The following KIF6 variants were observed in gnomAD, a reference collection of about 807,000 sequenced individuals.
KIF6 encodes kinesin family member 6.
KIF6 carries 106 observed loss-of-function variants against 112.7 expected under a neutral mutation model. The ratio of observed to expected loss-of-function variants is 0.94; its 90% CI spans 0.80 to 1.11. The LOEUF (loss-of-function observed/expected upper bound fraction) is 1.11, where lower values mean the gene tolerates loss of function less well. Among genes scored for constraint, KIF6 ranks in the 50% least tolerant of loss-of-function variants. The pLI is 0.00. For synonymous variants in KIF6, 339 were observed against 339.9 expected, an observed-to-expected ratio of 1.00 and a Z score of 0.03; for missense variants, 929 against 964.0, an observed-to-expected ratio of 0.96 and a Z score of 0.48.
intron 10 of KIF6, among the ~76,000 whole-genome samples, chr6:39,569,204 A>G (rs1467336330): frequency 6.6e-6 from 1 of 152,226 alleles, no homozygotes; most frequent in Non-Finnish European, 1.5e-5. Context: ...TAAAAAGGAT[A>G]AAGCACTATT....
In KIF6 at chr6:39,558,105, T is replaced by G. The variant is rs181825675; in HGVS notation, c.1182-12417A>C. ...TTATAAATTATAAAAACATATAATT[T>G]ATAACTATTCAAGTTACTTTCCTTA... On this transcript the variant is annotated intron_variant, in intron 10 of 22. Transcript: ENST00000287152. 4.0e-3 allele frequency among the ~76,000 whole-genome samples: 613 copies of G among 152,206 alleles called. 2 individuals carry two copies. Among genetic ancestry groups the G allele is most frequent in the Non-Finnish European group, 4.9e-3 (333 of 67,974 alleles).
intron 13 of KIF6, among the ~76,000 whole-genome samples, chr6:39,506,271 A>G (rs1194477343): frequency 6.6e-6 from 1 of 152,088 alleles, no homozygotes; most frequent in East Asian, 1.9e-4. Context: ...CAAATACCTC[A>G]TGTTCTGACT....
intron 13 of KIF6, among the ~76,000 whole-genome samples, chr6:39,487,990 C>CATCTATCTATCTATCT (rs1464871982): frequency 0.13 from 19,978 of 150,866 alleles, 1,765 homozygotes; most frequent in African/African-American, 0.23. Flanking sequence ...CATTTATAGG[C>CATCTATCTATCTATCT]ATCTATCTAT....
chr6:39,579,566 C>G (rs558326148), intron 9 of KIF6, among the ~76,000 whole-genome samples: 6 of 152,008 alleles, frequency 3.9e-5, no homozygotes, highest in Non-Finnish European at 8.8e-5. Flanking sequence ...AATGAAAGTT[C>G]AGAATTTCAA....
At chr6:39,366,892 ATT>A (rs1269715326) in intron 16 of KIF6, among the ~76,000 whole-genome samples, 13 of 142,878 alleles carry the variant, frequency 9.1e-5, no homozygotes, top group South Asian at 2.3e-4. Flanking sequence ...TAAGTTGAGC[ATT>A]TTTTTTTTTT....
In KIF6 at chr6:39,338,313, T is replaced by C. The variant is rs1337167146; in HGVS notation, c.2429-1765A>G. 2.0e-5 allele frequency among the ~76,000 whole-genome samples: 3 copies of C among 152,306 alleles called. No individual in the cohort carries two copies. The East Asian group carries it at 5.8e-4, about 29-fold the overall frequency. On this transcript the variant is annotated intron_variant, in intron 22 of 22. Transcript: ENST00000287152. ...TAGCTTGGTTGGCTTGATATTGCTG[T>C]GGAAGAAAGGGTAATTCTTGGTGAT...
chr6:39,587,168 G>A (rs567731030), intron 7 of KIF6, among the ~76,000 whole-genome samples: 27 of 152,240 alleles, frequency 1.8e-4, no homozygotes, highest in African/African-American at 6.0e-4. Context: ...GGGTTGTCCC[G>A]AAAGGAGGCA....
At position 39,495,119 on chromosome 6, in the gene KIF6, A is replaced by C. The variant is rs116835642; in HGVS notation, c.1645+44884T>G. On this transcript the variant is annotated intron_variant, in intron 13 of 22. Coordinates refer to ENST00000287152, the MANE Select transcript of KIF6 (RefSeq NM_145027.6). Reference sequence around the variant, plus strand: ...GCAGATGAGATAGTTGCATTCCCAAAGAGCCACAAAATGGGACAAATTACT... The same window carrying C: ...GCAGATGAGATAGTTGCATTCCCAACGAGCCACAAAATGGGACAAATTACT... Among the ~76,000 whole-genome samples the C allele has an allele frequency of 7.5e-3, 1,150 of 152,348 alleles. 18 individuals are homozygous for C. The highest frequency in any genetic ancestry group is 0.026 in the African/African-American group (1,076 of 41,570).
At chr6:39,419,323 C>T (rs1207754312) in intron 15 of KIF6, among the ~76,000 whole-genome samples, 4 of 133,338 alleles carry the variant, frequency 3.0e-5, no homozygotes, top group Admixed American at 2.7e-4. Context: ...CACTGCACTC[C>T]AGCCTGGGCA....
intron 9 of KIF6, among the ~76,000 whole-genome samples, chr6:39,584,527 A>G (rs1266865984): frequency 6.7e-6 from 1 of 148,910 alleles, no homozygotes; most frequent in South Asian, 2.2e-4. Flanking sequence ...ATATAGATGT[A>G]ATCATGTGTG....
chr6:39,661,246 A>G (rs1786127057), intron 3 of KIF6, among the ~76,000 whole-genome samples: 1 of 152,202 alleles, frequency 6.6e-6, no homozygotes, highest in African/African-American at 2.4e-5. Flanking sequence ...ATTCTTCACC[A>G]AGATTCACTT....
chr6:39,346,116 C>CTCTCT (rs1763753460), intron 20 of KIF6, among the ~76,000 whole-genome samples: 3 of 17,846 alleles, frequency 1.7e-4, no homozygotes, highest in Non-Finnish European at 2.9e-4. Flanking sequence ...CCTCCCTCTC[C>CTCTCT]CTCTCCCTCC....
At chr6:39,436,693 T>A (rs915424083) in intron 13 of KIF6, among the ~76,000 whole-genome samples, 1 of 152,206 alleles carries the variant, frequency 6.6e-6, no homozygotes, top group African/African-American at 2.4e-5. Context: ...TTGCTTTATT[T>A]CTGCATTCTC....
intron 10 of KIF6, among the ~76,000 whole-genome samples, chr6:39,555,991 G>C (rs1041301746): frequency 2.0e-5 from 3 of 146,726 alleles, no homozygotes; most frequent in Non-Finnish European, 4.5e-5. Context: ...TTATAGTAAT[G>C]AATGGATTCT....
At chr6:39,362,115 C>T (rs1051253741) in intron 17 of KIF6, among the ~76,000 whole-genome samples, 6 of 152,092 alleles carry the variant, frequency 3.9e-5, no homozygotes, top group South Asian at 2.1e-4. Context: ...TCTCAGGACT[C>T]GGAGGGAAGT....
chr6:39,560,812 G>A (rs1223515339), intron 10 of KIF6, among the ~76,000 whole-genome samples: 1 of 152,104 alleles, frequency 6.6e-6, no homozygotes, highest in Non-Finnish European at 1.5e-5. Flanking sequence ...TACCTTTTCT[G>A]TGTTCTCTGC....
At chr6:39,617,725 G>A (rs1783595537) in intron 5 of KIF6, 1 of 455,334 alleles carries the variant, frequency 2.2e-6, no homozygotes, top group Non-Finnish European at 4.4e-6. Context: ...ACATAAAGGT[G>A]ACTTGAGGTC....
chr6:39,647,905 T>TTC (rs975525443), intron 3 of KIF6, among the ~76,000 whole-genome samples: 1 of 151,820 alleles, frequency 6.6e-6, no homozygotes, highest in Non-Finnish European at 1.5e-5. Flanking sequence ...GAGACGGGGT[T>TTC]TCACCATGTT....
chr6:39,639,144 AC>A (rs1784779109), intron 4 of KIF6, among the ~76,000 whole-genome samples: 1 of 152,112 alleles, frequency 6.6e-6, no homozygotes, highest in African/African-American at 2.4e-5. Context: ...TAGATAGATA[AC>A]CCTTTTTTAC....
Sources: gnomAD v4.1 joint callset for allele counts (sites outside exome capture counted in the v4.1 genomes callset) on GRCh38, gnomAD v4.1.1 for gene constraint, MANE v1.5 for transcripts, NCBI Gene and HGNC (gene_info 2026-07-23, HGNC 2026-07-21) for gene names.